The following PLD5 variants were observed in gnomAD, a reference collection of about 807,000 sequenced individuals.
The protein encoded by PLD5 is phospholipase D family member 5, also known as inactive phospholipase D5.
A neutral mutation model predicts 61.1 loss-of-function variants in PLD5; 36 were observed. That is an observed-to-expected ratio of 0.59 (90% CI 0.45 to 0.78). The LOEUF is 0.78. Among genes scored for constraint, PLD5 ranks in the 30% least tolerant of loss-of-function variants. The pLI, the probability that PLD5 is intolerant of heterozygous loss-of-function variation, is 0.00. For synonymous variants in PLD5, 243 were observed against 242.8 expected (o/e 1.00, Z -0.01); for missense variants, 515 against 644.4 (o/e 0.80, Z 2.17).
At chr1:242,211,972 G>T (rs1311823065) in intron 5 of PLD5, among the ~76,000 whole-genome samples, 1 of 152,232 alleles carries the variant, frequency 6.6e-6, no homozygotes, top group Admixed American at 6.5e-5. Context: ...AAGAAGGCAT[G>T]CTAGACGTAA....
intron 4 of PLD5, among the ~76,000 whole-genome samples, chr1:242,238,544 T>C (rs556802558): frequency 6.6e-6 from 1 of 152,260 alleles, no homozygotes; most frequent in East Asian, 1.9e-4. Flanking sequence ...GCTGAGGAGT[T>C]TCCACGGTCT....
Position 242,268,399 on chromosome 1 carries a change from A to G in PLD5, c.496-2951T>C, listed in dbSNP as rs150807494. Among the ~76,000 whole-genome samples the G allele has an allele frequency of 2.2e-4, 34 of 152,320 alleles. 1 individual carries two copies. The highest frequency in any genetic ancestry group is 7.9e-4 in the African/African-American group (33 of 41,568). On this transcript the variant is annotated intron_variant, in intron 3 of 9. Coordinates refer to ENST00000536534, the MANE Select transcript of PLD5 (RefSeq NM_001372062.1). ...ACAGAATATATTTGGCACCGATGAA[A>G]CATTCAAGAGACCATCTAACTTATC...
intron 4 of PLD5, among the ~76,000 whole-genome samples, chr1:242,234,619 C>T (rs564408550): frequency 6.6e-6 from 1 of 151,878 alleles, no homozygotes; most frequent in Admixed American, 6.6e-5. Context: ...CAACTTAACA[C>T]CTGGAGATGC....
chr1:242,453,986 G>A (rs938089900), intron 1 of PLD5, among the ~76,000 whole-genome samples: 1 of 152,120 alleles, frequency 6.6e-6, no homozygotes, highest in Non-Finnish European at 1.5e-5. Context: ...AACGTGCGCT[G>A]GTGATTAGAG....
intron 9 of PLD5, among the ~76,000 whole-genome samples, chr1:242,092,306 T>C (rs1446159279): frequency 6.6e-6 from 1 of 152,040 alleles, no homozygotes; most frequent in Non-Finnish European, 1.5e-5. Context: ...TTGGTATTTA[T>C]ATACATTATT....
intron 3 of PLD5, among the ~76,000 whole-genome samples, chr1:242,280,012 C>T (rs1674633872): frequency 1.3e-5 from 2 of 149,406 alleles, no homozygotes; most frequent in South Asian, 4.6e-4. Context: ...TGCATCAAAA[C>T]AACAAAAATG....
chr1:242,476,186 C>T (rs1482135083), intron 1 of PLD5, among the ~76,000 whole-genome samples: 1 of 152,080 alleles, frequency 6.6e-6, no homozygotes, highest in Non-Finnish European at 1.5e-5. Context: ...GAAACCCCGT[C>T]TCTACTAAAA....
At chr1:242,248,869 C>T (rs1410921371) in intron 4 of PLD5, among the ~76,000 whole-genome samples, 2 of 152,126 alleles carry the variant, frequency 1.3e-5, no homozygotes, top group African/African-American at 2.4e-5. Context: ...AATGGCCAGC[C>T]GGGCTTGGTG....
chr1:242,219,933 G>T, intron 5 of PLD5, 55 bp downstream of exon 5: 1 of 1,579,818 alleles, frequency 6.3e-7, no homozygotes, highest in Admixed American at 1.7e-5. Flanking sequence ...GCTTTATGAA[G>T]GTGGTCGCTT....
intron 4 of PLD5, among the ~76,000 whole-genome samples, chr1:242,263,303 C>G (rs2754422): frequency 0.47 from 69,808 of 149,324 alleles, 17,277 homozygotes; most frequent in East Asian, 0.68. Context: ...CTATTTTTTT[C>G]GTGGGATATT....
intron 3 of PLD5, among the ~76,000 whole-genome samples, chr1:242,283,966 A>AGG (rs746123589): frequency 6.6e-6 from 1 of 152,090 alleles, no homozygotes; most frequent in South Asian, 2.1e-4. Flanking sequence ...AACAGGATAT[A>AGG]GGGGTCCTTG....
chr1:242,185,353 C>T lies in PLD5; in HGVS notation c.735+34635G>A, dbSNP rs1209250880. On this transcript the variant is annotated intron_variant, in intron 5 of 9. Coordinates refer to ENST00000536534, the MANE Select transcript of PLD5 (RefSeq NM_001372062.1). ...GAGTGGGTATAAGCACTTATCAATACATCAGACTGGAAACTCCTAGAATGG... is the reference window on the plus strand; with the variant it reads ...GAGTGGGTATAAGCACTTATCAATATATCAGACTGGAAACTCCTAGAATGG... Among the ~76,000 whole-genome samples, 3 of 152,096 alleles carry T rather than the reference C, an allele frequency of 2.0e-5. No individual in the cohort carries two copies. In the East Asian group the frequency reaches 5.8e-4, roughly 29 times the overall value.
chr1:242,113,189 A>T (rs1326857887), intron 7 of PLD5, among the ~76,000 whole-genome samples: 1 of 145,368 alleles, frequency 6.9e-6, no homozygotes, highest in Non-Finnish European at 1.5e-5. Flanking sequence ...TCCCAGGTTG[A>T]TGCCATTCTC....
intron 2 of PLD5, among the ~76,000 whole-genome samples, chr1:242,329,682 T>C (rs1367585248): frequency 6.6e-6 from 1 of 152,206 alleles, no homozygotes; most frequent in East Asian, 1.9e-4. Flanking sequence ...TCTTACTGGT[T>C]CCTAATCCAT....
Position 242,222,183 on chromosome 1 carries a change from C to T in PLD5, c.608-2068G>A, listed in dbSNP as rs570482799. ...CACTACTCAAGTTGGATGAAGGTCC[C>T]GCCCCCCACTACAGTATGATCTTAA... On this transcript the variant is annotated intron_variant, in intron 4 of 9. Transcript: ENST00000536534. Among the ~76,000 whole-genome samples the T allele has an allele frequency of 1.0e-4, 15 of 149,972 alleles. No individual in the cohort carries two copies. The East Asian group carries it at 1.4e-3, about 14-fold the overall frequency.
At chr1:242,291,534 C>T (rs995930070) in intron 2 of PLD5, among the ~76,000 whole-genome samples, 4 of 152,026 alleles carry the variant, frequency 2.6e-5, no homozygotes, top group South Asian at 4.1e-4. Flanking sequence ...GGGCCAGGTG[C>T]GGTGGCTCAC....
chr1:242,324,101 T>C (rs909690237), intron 2 of PLD5, among the ~76,000 whole-genome samples: 22 of 151,696 alleles, frequency 1.5e-4, no homozygotes, highest in African/African-American at 5.3e-4. Context: ...ACACAACCAA[T>C]TTCAGTTTTA....
intron 2 of PLD5, among the ~76,000 whole-genome samples, chr1:242,310,512 T>C (rs1433087260): frequency 6.6e-6 from 1 of 152,144 alleles, no homozygotes; most frequent in Non-Finnish European, 1.5e-5. Flanking sequence ...TTTAAAAATA[T>C]TTATGTATAC....
chr1:242,498,165 A>G (rs1668435098), intron 1 of PLD5, among the ~76,000 whole-genome samples: 1 of 152,108 alleles, frequency 6.6e-6, no homozygotes, highest in African/African-American at 2.4e-5. Flanking sequence ...GGGTTTCACC[A>G]TGTTGATCAG....
Sources: allele counts gnomAD v4.1 joint callset (sites outside exome capture counted in the v4.1 genomes callset), GRCh38; gene constraint gnomAD v4.1.1; transcripts MANE v1.5; gene names NCBI Gene and HGNC (gene_info 2026-07-23, HGNC 2026-07-21).